Variants in PTPRU observed in about 807,000 individuals in gnomAD.
The protein encoded by PTPRU is receptor-type tyrosine-protein phosphatase U.
A neutral mutation model predicts 166.3 loss-of-function variants in PTPRU; 69 were observed. That is an observed-to-expected ratio of 0.41 (90% confidence interval 0.34 to 0.51). The LOEUF (loss-of-function observed/expected upper bound fraction) is 0.51, where lower values mean the gene tolerates loss of function less well. Ranked by LOEUF, PTPRU falls within the 20% of genes least tolerant of loss-of-function variation. The probability of loss-of-function intolerance (pLI) is 0.09; values close to 1 mark genes in which losing one functional copy is unlikely to be tolerated. For synonymous variants in PTPRU, 793 were observed against 814.0 expected, an observed-to-expected ratio of 0.97 and a Z score of 0.44; for missense variants, 1,657 against 2,013.7, an observed-to-expected ratio of 0.82 and a Z score of 3.39.
In PTPRU at chr1:29,259,504, C is replaced by T. The variant is rs370586274; in HGVS notation, c.615C>T (p.Asn205=). ...LGDVEVNAGQ[N]ASFQCMAAGR... is the part of the protein sequence containing the mutation. ...ACGTGGAGGTCAACGCGGGCCAGAACGCGTCGTTCCAGTGCATGGCCGCGG... is the reference window on the plus strand; with the variant it reads ...ACGTGGAGGTCAACGCGGGCCAGAATGCGTCGTTCCAGTGCATGGCCGCGG... The change falls in exon 5 of 30, where the codon AAC becomes AAT. Residue 205 remains asparagine, a synonymous_variant. Transcript: ENST00000373779. 99 of 1,604,902 alleles carry T rather than the reference C, an allele frequency of 6.2e-5. 1 individual carries two copies. Among genetic ancestry groups the T allele is most frequent in the Non-Finnish European group, 5.0e-5 (59 of 1,174,868 alleles).
Position 29,259,897 on chromosome 1 carries a change from G to GC in PTPRU, c.704dup (p.Val237ArgfsTer40). Reference sequence around the variant, plus strand: ...GCAGAGCGGGGCGCTGGTGCCGGCGGCGGGCGTGCGGCACATCAGCCACCG... The same window carrying GC: ...GCAGAGCGGGGCGCTGGTGCCGGCGGCCGGGCGTGCGGCACATCAGCCACCG... On this transcript the variant is annotated frameshift_variant, in exon 6 of 30. Coordinates refer to ENST00000373779, the MANE Select transcript of PTPRU (RefSeq NM_133178.4). LOFTEE classifies it high-confidence loss of function. 4.6e-6 allele frequency: 7 copies of GC among 1,531,818 alleles called. No homozygotes were observed. Among genetic ancestry groups the GC allele is most frequent in the Non-Finnish European group, 5.2e-6 (6 of 1,145,586 alleles). The allele number at this position is 1,531,818 out of a possible 1,614,324, so 94.9% of individuals were successfully genotyped here. A position where few individuals can be genotyped will look rare whatever the true frequency, so the allele number is the denominator to read the frequency against.
At position 29,279,623 on chromosome 1, in the gene PTPRU, G is replaced by A. The variant is rs1372130058; in HGVS notation, c.1731G>A (p.Gln577=). The change falls in exon 10 of 30, where the codon CAG becomes CAA. Residue 577 remains glutamine, a synonymous_variant. Coordinates refer to ENST00000373779, the MANE Select transcript of PTPRU (RefSeq NM_133178.4). This position sits in a 1 kb window ranked among gnomAD's most constrained non-coding sequence, Gnocchi z 5.2. Reference sequence around the variant, plus strand: ...CCCGCACAGGCAAAGGCTTCGGCCAGGCGGCACTCACTGAGATAACCACTA... The same window carrying A: ...CCCGCACAGGCAAAGGCTTCGGCCAAGCGGCACTCACTGAGATAACCACTA... ...VRARTGKGFG[Q]AALTEITTNI... 1.9e-6 allele frequency: 3 copies of A among 1,613,338 alleles called. No individual in the cohort carries two copies. The highest frequency in any genetic ancestry group is 2.2e-5 in the South Asian group (2 of 91,086).
chr1:29,291,979 A>G lies in PTPRU; in HGVS notation c.2429A>G (p.Glu810Gly). 6.2e-7 allele frequency: 1 copy of G among 1,614,198 alleles called. No homozygotes were observed. Among genetic ancestry groups the G allele is most frequent in the South Asian group, 1.1e-5 (1 of 91,082 alleles). ...GACCAGAGCACCCTGCAGGAGGACG[A>G]GCGGCTGGGCCTGTCCTTCATGGAC... is the stretch of plus-strand genomic sequence containing the variant. ...FTDQSTLQED[E>G]RLGLSFMDTH... is the part of the protein sequence containing the mutation. Residue 810 changes from glutamate to glycine, a missense_variant, in exon 15 of 30, where the codon GAG becomes GGG. Glu to Gly is a moderately conservative substitution (Grantham distance 98, BLOSUM62 -2). Transcript: ENST00000373779. The surrounding 1 kb of genome is among the most constrained non-coding windows in gnomAD (Gnocchi z 4.1).
chr1:29,260,065 G>T lies in PTPRU; in HGVS notation c.850+21G>T, dbSNP rs1186794917. ...CAAGGGTCAGCTGGTGGACGCCGGGGAGCGCCGGGACCTCACCCTCGAGGG... is the reference window on the plus strand; with the variant it reads ...CAAGGGTCAGCTGGTGGACGCCGGGTAGCGCCGGGACCTCACCCTCGAGGG... On this transcript the variant is annotated intron_variant, in intron 6 of 29. Transcript: ENST00000373779. The surrounding 1 kb of genome is among the most constrained non-coding windows in gnomAD (Gnocchi z 8.3). The T allele has an allele frequency of 7.2e-7, 1 of 1,395,320 alleles. No individual in the cohort carries two copies. The highest frequency in any genetic ancestry group is 9.3e-7 in the Non-Finnish European group (1 of 1,079,432). The allele number at this position is 1,395,320 out of a possible 1,614,324, so 86.4% of individuals were successfully genotyped here.
chr1:29,288,051 G>A (rs1014441759), intron 14 of PTPRU, among the ~76,000 whole-genome samples: 2 of 152,136 alleles, frequency 1.3e-5, no homozygotes, highest in Admixed American at 6.5e-5. Flanking sequence ...CCGACCTCAG[G>A]TGATCCACCC....
intron 7 of PTPRU, among the ~76,000 whole-genome samples, chr1:29,263,313 G>A (rs78945985): frequency 7.9e-4 from 120 of 152,180 alleles, no homozygotes; most frequent in African/African-American, 2.8e-3. Flanking sequence ...ATGTTTTCAA[G>A]GTTTATCCTC....
chr1:29,253,446 A>G (rs1431988623), intron 1 of PTPRU, among the ~76,000 whole-genome samples: 1 of 152,114 alleles, frequency 6.6e-6, no homozygotes, highest in Non-Finnish European at 1.5e-5. Context: ...CCTGCCTTGG[A>G]CAGGTGAAAG....
At chr1:29,303,779 T>G (rs1687250684) in intron 15 of PTPRU, 76 bp from the exon 16 acceptor site, 1 of 1,429,050 alleles carries the variant, frequency 7.0e-7, no homozygotes, top group Non-Finnish European at 9.5e-7. Context: ...CCCACCCCCA[T>G]AGACCCCAGT....
intron 14 of PTPRU, among the ~76,000 whole-genome samples, chr1:29,289,871 G>C (rs1686542786): frequency 6.6e-6 from 1 of 152,080 alleles, no homozygotes; most frequent in Non-Finnish European, 1.5e-5. Context: ...TCTTTCCTCT[G>C]CTCTGTCCTT....
At position 29,311,690 on chromosome 1, in the gene PTPRU, C is replaced by A; in HGVS notation, c.3003C>A (p.Asp1001Glu). 1 of 1,614,220 alleles carries A rather than the reference C, an allele frequency of 6.2e-7. No individual in the cohort carries two copies. The change falls in exon 21 of 30, where the codon GAC becomes GAA. Residue 1001 changes from aspartate (D) to glutamate (E), a missense_variant. By Grantham distance (45) the Asp-to-Glu change is conservative. Transcript: ENST00000373779. The surrounding 1 kb of genome is among the most constrained non-coding windows in gnomAD (Gnocchi z 4.1). ...CGGAGGACTCAGACACCTACGGGGA[C>A]ATCAAGATTATGCTGGTGAAGACAG... ...YWPEDSDTYGDIKIMLVKTET... is the reference protein window; with the variant it reads ...YWPEDSDTYGEIKIMLVKTET...
chr1:29,312,943 A>G (rs1351888703), intron 22 of PTPRU, among the ~76,000 whole-genome samples: 1 of 151,998 alleles, frequency 6.6e-6, no homozygotes, highest in Non-Finnish European at 1.5e-5. Flanking sequence ...GGTGCTGAGG[A>G]GGCACTGGAG....
chr1:29,312,040 T>C (rs1687689199), intron 21 of PTPRU, among the ~76,000 whole-genome samples: 1 of 152,188 alleles, frequency 6.6e-6, no homozygotes. Context: ...TAAATATTGT[T>C]TCAGTCCTGG....
intron 14 of PTPRU, among the ~76,000 whole-genome samples, chr1:29,290,832 A>G (rs1686595857): frequency 6.6e-6 from 1 of 152,234 alleles, no homozygotes; most frequent in Admixed American, 6.5e-5. Flanking sequence ...TGCCAACAGC[A>G]TTAGGTGTCC....
rs1685956263 is a variant in PTPRU at position 29,279,383 on chromosome 1, T to C, written c.1564-73T>C. On this transcript the variant is annotated intron_variant, in intron 9 of 29. Transcript: ENST00000373779. This position sits in a 1 kb window ranked among gnomAD's most constrained non-coding sequence, Gnocchi z 5.2. ...CCTTATCTCTCACTTCCCTGGGACA[T>C]GGTGGGTGGAGGCTGCTGGTCAGGG... is the stretch of plus-strand genomic sequence containing the variant. 2.0e-6 allele frequency: 3 copies of C among 1,480,112 alleles called. No individual in the cohort carries two copies. Among genetic ancestry groups the C allele is most frequent in the East Asian group, 4.5e-5 (2 of 44,140 alleles). 91.7% of individuals were successfully genotyped at this position (1,480,112 alleles called of 1,614,324 possible). A position where few individuals can be genotyped will look rare whatever the true frequency, so the allele number is the denominator to read the frequency against.
chr1:29,314,385 G>A (rs1473921578), intron 22 of PTPRU, among the ~76,000 whole-genome samples: 2 of 152,170 alleles, frequency 1.3e-5, no homozygotes, highest in Non-Finnish European at 2.9e-5. Context: ...TTCAGTTGCT[G>A]TATGTCCTCG....
intron 15 of PTPRU, among the ~76,000 whole-genome samples, chr1:29,303,448 G>C (rs1223923266): frequency 2.0e-5 from 3 of 152,238 alleles, no homozygotes; most frequent in Non-Finnish European, 4.4e-5. Flanking sequence ...TCTTTGAATG[G>C]GGGTAATTGC....
At position 29,279,669 on chromosome 1, in the gene PTPRU, C is replaced by T. The variant is rs748531850; in HGVS notation, c.1765+12C>T. On this transcript the variant is annotated intron_variant, in intron 10 of 29. Transcript: ENST00000373779. This position sits in a 1 kb window ranked among gnomAD's most constrained non-coding sequence, Gnocchi z 5.2. ...CACTAACATCTCTGGTGAGCCCCAC[C>T]TGACCCGGCCCAGCCTCTTCGGAGG... 5 of 1,608,956 alleles carry T rather than the reference C, an allele frequency of 3.1e-6. No homozygotes were observed. The Admixed American group carries it at 6.7e-5, about 21-fold the overall frequency.
intron 15 of PTPRU, among the ~76,000 whole-genome samples, chr1:29,299,372 G>A (rs944402923): frequency 1.3e-5 from 2 of 152,170 alleles, no homozygotes; most frequent in Non-Finnish European, 2.9e-5. Context: ...AGGGGATGGG[G>A]TGGGGTAGGA....
rs1688352548 is a variant in PTPRU at position 29,325,200 on chromosome 1, A to C, written c.4122A>C (p.Gly1374=). ...TGCATCTCTCATTCAGAAACGGGGG[A>C]GGACGCAGCGGCACCTTCTGCGCCT... ...GRTIVHCLNG[G]GRSGTFCACA... is the part of the protein sequence containing the mutation. The change falls in exon 29 of 30, where the codon GGA becomes GGC. Residue 1374 remains glycine (G), a synonymous_variant. Coordinates refer to ENST00000373779, the MANE Select transcript of PTPRU (RefSeq NM_133178.4). 1 of 1,613,646 alleles carries C rather than the reference A, an allele frequency of 6.2e-7. No individual in the cohort carries two copies. The highest frequency in any genetic ancestry group is 8.5e-7 in the Non-Finnish European group (1 of 1,179,972).
Sources: allele counts gnomAD v4.1 joint callset (sites outside exome capture counted in the v4.1 genomes callset), GRCh38; gene constraint gnomAD v4.1.1; non-coding constraint Gnocchi (gnomAD v3.1); transcripts MANE v1.5; gene names NCBI Gene and HGNC (gene_info 2026-07-23, HGNC 2026-07-21).